Variants in SPRED2 observed in about 807,000 individuals in gnomAD.
The protein encoded by SPRED2 is sprouty-related, EVH1 domain-containing protein 2.
SPRED2 carries 47 observed loss-of-function variants against 43.0 expected under a neutral mutation model. The observed-to-expected ratio is 1.09, with a 90% confidence interval of 0.87 to 1.40. SPRED2 has a LOEUF of 1.40. SPRED2 is among the 40% of genes most tolerant of loss of function. SPRED2 has a pLI of 0.00. For missense variants in SPRED2, 561 were observed against 586.4 expected, an observed-to-expected ratio of 0.96 and a Z score of 0.45; for synonymous variants, 225 against 225.7, an observed-to-expected ratio of 1.00 and a Z score of 0.03.
chr2:65,349,145 A>G (rs933560465), intron 1 of SPRED2, among the ~76,000 whole-genome samples: 2 of 152,116 alleles, frequency 1.3e-5, no homozygotes, highest in East Asian at 1.9e-4. Context: ...CGTCTCTACT[A>G]AAAGTACAAA....
intron 1 of SPRED2, among the ~76,000 whole-genome samples, chr2:65,400,656 T>C (rs1464850955): frequency 6.6e-6 from 1 of 152,156 alleles, no homozygotes; most frequent in East Asian, 1.9e-4. Flanking sequence ...TTCTGTTCTG[T>C]GTTCGTCCCT....
At chr2:65,366,653 T>C (rs948888214) in intron 1 of SPRED2, 14 of 1,547,032 alleles carry the variant, frequency 9.0e-6, no homozygotes, top group Non-Finnish European at 1.2e-5. Flanking sequence ...GCATTATTGC[T>C]ACTATAAAGC....
chr2:65,387,916 C>T (rs141668459), intron 1 of SPRED2, among the ~76,000 whole-genome samples: 2,510 of 152,160 alleles, frequency 0.016, 84 homozygotes, highest in African/African-American at 0.058. Flanking sequence ...CCTCCGCCTC[C>T]CAAGTAGCTG....
At chr2:65,343,585 C>T (rs904704766) in intron 2 of SPRED2, among the ~76,000 whole-genome samples, 2 of 152,188 alleles carry the variant, frequency 1.3e-5, no homozygotes, top group African/African-American at 4.8e-5. Context: ...CCTGCACAAT[C>T]CTGCACATTC....
At chr2:65,377,958 A>G (rs1193577798) in intron 1 of SPRED2, 4 of 284,972 alleles carry the variant, frequency 1.4e-5, no homozygotes, top group Non-Finnish European at 2.1e-5. Context: ...TTCAGGCAGA[A>G]GCAGAGCACA....
rs70943644 is a variant in SPRED2 at position 65,321,504 on chromosome 2, TAAAAAAAA to T, written c.439-4629_439-4622del. Among the ~76,000 whole-genome samples, 67 of 55,816 alleles carry T rather than the reference TAAAAAAAA, an allele frequency of 1.2e-3. 3 individuals carry two copies. In the Middle Eastern group the frequency reaches 0.028, roughly 24 times the overall value. The allele number at this position is 55,816 out of a possible 152,430, so 36.6% of individuals were successfully genotyped here. On this transcript the variant is annotated intron_variant, in intron 4 of 5. Transcript: ENST00000356388. ...CTGGGCAACAAATCAAGACCCTGTC[TAAAAAAAA>T]AAAAAAAAAAAAAAAAAAGATGTCC...
chr2:65,322,290 A>ATTTTTT (rs1346549604), intron 4 of SPRED2, among the ~76,000 whole-genome samples: 13 of 78,992 alleles, frequency 1.6e-4, no homozygotes, highest in African/African-American at 7.3e-4. Context: ...ATATATATAT[A>ATTTTTT]TATATTTTTT....
intron 1 of SPRED2, among the ~76,000 whole-genome samples, chr2:65,402,171 C>T (rs546818082): frequency 1.4e-5 from 2 of 147,210 alleles, no homozygotes; most frequent in Admixed American, 6.9e-5. Flanking sequence ...CACAGCTACT[C>T]GGGAGCCTGA....
intron 1 of SPRED2, among the ~76,000 whole-genome samples, chr2:65,345,888 T>C (rs192173641): frequency 3.3e-5 from 5 of 152,252 alleles, no homozygotes; most frequent in African/African-American, 1.2e-4. Context: ...TCATTCTTCA[T>C]CACTTTTGGG....
rs371490016 is a variant in SPRED2, at chr2:65,388,396, G to A, written c.27-43500C>T. ...CCCTAGGCGGCATGTGGGCAGGGCC[G>A]CCCTGCCTGCCCAGTGCCTGGCTCC... On this transcript the variant is annotated intron_variant, in intron 1 of 5. Coordinates refer to ENST00000356388, the MANE Select transcript of SPRED2 (RefSeq NM_181784.3). Among the ~76,000 whole-genome samples, 147 of 152,304 alleles carry A rather than the reference G, an allele frequency of 9.7e-4. 3 individuals are homozygous for A. In the South Asian group the frequency reaches 0.023, roughly 23 times the overall value.
At chr2:65,414,890 G>A (rs925823141) in intron 1 of SPRED2, among the ~76,000 whole-genome samples, 42 of 152,262 alleles carry the variant, frequency 2.8e-4, no homozygotes, top group Non-Finnish European at 5.6e-4. Context: ...CCAGATAGTT[G>A]TGTCCAGGAT....
At chr2:65,406,360 A>G (rs1033994442) in intron 1 of SPRED2, among the ~76,000 whole-genome samples, 2 of 152,242 alleles carry the variant, frequency 1.3e-5, no homozygotes, top group African/African-American at 4.8e-5. Flanking sequence ...GAGGTCAAGA[A>G]TAAATGGAAA....
intron 1 of SPRED2, among the ~76,000 whole-genome samples, chr2:65,393,880 G>A (rs936090361): frequency 1.3e-5 from 2 of 152,244 alleles, no homozygotes; most frequent in East Asian, 3.9e-4. Context: ...AACCCACAAT[G>A]GAGTCAAAGC....
chr2:65,426,244 C>T (rs1420962729), intron 1 of SPRED2, among the ~76,000 whole-genome samples: 1 of 152,136 alleles, frequency 6.6e-6, no homozygotes, highest in African/African-American at 2.4e-5. Context: ...ATGGAATTTC[C>T]ACAAAATACC....
At chr2:65,320,644 C>G (rs1416244904) in intron 4 of SPRED2, among the ~76,000 whole-genome samples, 4 of 152,308 alleles carry the variant, frequency 2.6e-5, no homozygotes, top group Middle Eastern at 3.4e-3. Context: ...AGCCTGCAGT[C>G]TTCCAGGCCC....
chr2:65,415,010 C>G (rs993918101), intron 1 of SPRED2, among the ~76,000 whole-genome samples: 2 of 152,154 alleles, frequency 1.3e-5, no homozygotes, highest in Admixed American at 1.3e-4. Flanking sequence ...GTTGCCCAGG[C>G]TGGTCTTGAA....
intron 1 of SPRED2, among the ~76,000 whole-genome samples, chr2:65,378,841 G>C (rs1313015363): frequency 6.6e-6 from 1 of 152,146 alleles, no homozygotes; most frequent in Non-Finnish European, 1.5e-5. Flanking sequence ...TGAATTTCTG[G>C]ATTTTAAAAA....
intron 1 of SPRED2, among the ~76,000 whole-genome samples, chr2:65,369,931 C>T (rs2104337937): frequency 6.6e-6 from 1 of 152,340 alleles, no homozygotes; most frequent in African/African-American, 2.4e-5. Flanking sequence ...TATTCATTTC[C>T]TAGCACTGAT....
At chr2:65,396,030 ACTC>A (rs1293959950) in intron 1 of SPRED2, among the ~76,000 whole-genome samples, 2 of 151,928 alleles carry the variant, frequency 1.3e-5, no homozygotes, top group Non-Finnish European at 2.9e-5. Flanking sequence ...TCAAATCTCC[ACTC>A]TAACCACTTA....
Sources: gnomAD v4.1 joint callset for allele counts (sites outside exome capture counted in the v4.1 genomes callset) on GRCh38, gnomAD v4.1.1 for gene constraint, MANE v1.5 for transcripts, NCBI Gene and HGNC (gene_info 2026-07-23, HGNC 2026-07-21) for gene names.